MYO9A: variants seen among roughly 807,000 people sequenced by gnomAD.
MYO9A encodes the protein unconventional myosin-IXa.
MYO9A carries 103 observed loss-of-function variants against 293.3 expected under a neutral mutation model. That is an observed-to-expected ratio of 0.35 (90% CI 0.30 to 0.41). The LOEUF is 0.41. Among genes scored for constraint, MYO9A ranks in the 10% least tolerant of loss-of-function variants. MYO9A has a pLI of 1.00. For synonymous variants in MYO9A, 1,001 were observed against 1,035.7 expected, an observed-to-expected ratio of 0.97 and a Z score of 0.64; for missense variants, 2,685 against 3,033.0, an observed-to-expected ratio of 0.89 and a Z score of 2.69.
At chr15:71,902,031 A>G (rs1312434544) in intron 22 of MYO9A, among the ~76,000 whole-genome samples, 3 of 152,168 alleles carry the variant, frequency 2.0e-5, no homozygotes, top group African/African-American at 4.8e-5. Flanking sequence ...GGTGAAGGAG[A>G]CATATCCCTT....
Position 71,850,765 on chromosome 15 carries a change from C to CAAAAAAAAAAA in MYO9A, c.6581+477_6581+487dup, listed in dbSNP as rs780727961. ...TGGGTGACAGACTGAAACTGTGTCT[C>CAAAAAAAAAAA]AAAAAAAAAAAAAAAAAAAAAAAAA... On this transcript the variant is annotated intron_variant, in intron 37 of 41. Coordinates refer to ENST00000356056, the MANE Select transcript of MYO9A (RefSeq NM_006901.4). 7.3e-4 allele frequency among the ~76,000 whole-genome samples: 32 copies of CAAAAAAAAAAA among 44,124 alleles called. 4 individuals are homozygous for CAAAAAAAAAAA. Among genetic ancestry groups the CAAAAAAAAAAA allele is most frequent in the African/African-American group, 1.8e-3 (18 of 10,004 alleles). The allele number at this position is 44,124 out of a possible 152,430, so 28.9% of individuals were successfully genotyped here.
chr15:71,827,180 G>GCACAGT, intron 41 of MYO9A, 137 bp from the exon 42 acceptor site: 1 of 627,276 alleles, frequency 1.6e-6, no homozygotes, highest in Non-Finnish European at 2.7e-6. Context: ...CTTACTATGG[G>GCACAGT]CACAGTCACA....
At chr15:71,861,885 G>A (rs571800789) in intron 33 of MYO9A, among the ~76,000 whole-genome samples, 2 of 152,264 alleles carry the variant, frequency 1.3e-5, no homozygotes, top group Non-Finnish European at 2.9e-5. Flanking sequence ...TGTAATCCCA[G>A]CACTTTAGGC....
At chr15:71,983,088 CTT>C (rs1161512711) in intron 11 of MYO9A, among the ~76,000 whole-genome samples, 1 of 152,058 alleles carries the variant, frequency 6.6e-6, no homozygotes, top group African/African-American at 2.4e-5. Flanking sequence ...GTCTGACAAT[CTT>C]TAGCTTCTAG....
At chr15:71,932,346 T>C (rs1262988162) in intron 18 of MYO9A, among the ~76,000 whole-genome samples, 1 of 152,092 alleles carries the variant, frequency 6.6e-6, no homozygotes, top group Non-Finnish European at 1.5e-5. Context: ...GTCCCATCAA[T>C]TCCCAGAACT....
rs1167613386 is a variant in MYO9A, at chr15:71,934,786, C to CTTT, written c.2522+552_2522+554dup. On this transcript the variant is annotated intron_variant, in intron 17 of 41. Transcript: ENST00000356056. Reference sequence around the variant, plus strand: ...TGGCTAATTTTTTTTCTTTTCTTTTCTTTTTTTTTTTTTTTTTTTTTTTTT... The same window carrying CTTT: ...TGGCTAATTTTTTTTCTTTTCTTTTCTTTTTTTTTTTTTTTTTTTTTTTTTTTT... Among the ~76,000 whole-genome samples the CTTT allele has an allele frequency of 1.2e-3, 74 of 61,784 alleles. 1 individual carries two copies. The highest frequency in any genetic ancestry group is 2.3e-3 in the African/African-American group (35 of 15,144). 40.5% of individuals were successfully genotyped at this position (61,784 alleles called of 152,430 possible).
In MYO9A at chr15:71,897,890, A is replaced by G. The variant is rs753047178; in HGVS notation, c.4613T>C (p.Ile1538Thr). Residue 1538 changes from isoleucine to threonine, a missense_variant, in exon 25 of 42, where the codon ATT (isoleucine) becomes ACT (threonine). Coordinates refer to ENST00000356056, the MANE Select transcript of MYO9A (RefSeq NM_006901.4). ...AGATGGTGCCACCAAACACTCTCCA[A>G]TTCTTGGCTTTTCAATTGTCTTGAA... ...KAFKTIEKPRIGECLVAPSSY... is the reference protein window; with the variant it reads ...KAFKTIEKPRTGECLVAPSSY... The G allele has an allele frequency of 2.5e-6, 4 of 1,614,088 alleles. No homozygotes were observed. The South Asian group carries it at 4.4e-5, about 18-fold the overall frequency.
intron 1 of MYO9A, among the ~76,000 whole-genome samples, chr15:72,079,130 G>C (rs115367413): frequency 0.011 from 1,653 of 152,220 alleles, 29 homozygotes; most frequent in African/African-American, 0.038. Flanking sequence ...AGTAACGATG[G>C]ATTAATATGG....
rs1326124646 is a variant in MYO9A at position 71,825,192 on chromosome 15, A to ATAAC, written c.*1384_*1387dup. The stretch of plus-strand genomic sequence containing the variant: ...ATGCTAAGATACTTAAAATGCTATT[A>ATAAC]TAACTCATGTGTATGAAGACCACCC... On this transcript the variant is annotated 3_prime_UTR_variant, in exon 42 of 42. Coordinates refer to ENST00000356056, the MANE Select transcript of MYO9A (RefSeq NM_006901.4). 2.0e-5 allele frequency: 3 copies of ATAAC among 152,238 alleles called. No individual in the cohort carries two copies. The highest frequency in any genetic ancestry group is 4.4e-5 in the Non-Finnish European group (3 of 68,050). The allele number at this position is 152,238 out of a possible 1,614,324, so 9.4% of individuals were successfully genotyped here.
intron 11 of MYO9A, among the ~76,000 whole-genome samples, chr15:71,987,058 T>C (rs1364665017): frequency 6.6e-6 from 1 of 152,168 alleles, no homozygotes; most frequent in Non-Finnish European, 1.5e-5. Flanking sequence ...TACATTTAGA[T>C]ACACAAATAC....
chr15:71,875,894 T>C, intron 31 of MYO9A, 56 bp from the exon 32 acceptor site: 1 of 971,056 alleles, frequency 1.0e-6, no homozygotes, highest in Non-Finnish European at 1.4e-6. Flanking sequence ...TAACATACTT[T>C]CTTACTTCAT....
At chr15:71,956,486 A>G (rs1482925880) in intron 14 of MYO9A, among the ~76,000 whole-genome samples, 1 of 144,092 alleles carries the variant, frequency 6.9e-6, no homozygotes, top group Non-Finnish European at 1.5e-5. Context: ...TAAAAATACA[A>G]AAATATAAAA....
intron 1 of MYO9A, among the ~76,000 whole-genome samples, chr15:72,092,012 G>T (rs879922684): frequency 6.6e-6 from 1 of 151,986 alleles, no homozygotes; most frequent in Non-Finnish European, 1.5e-5. Context: ...CATCGCGCCC[G>T]GCGAAAAATA....
Position 71,959,901 on chromosome 15 carries a change from CA to C in MYO9A, c.2181del (p.Gly728AspfsTer11), listed in dbSNP as rs1465541359. The C allele has an allele frequency of 6.2e-7, 1 of 1,607,394 alleles. No homozygotes were observed. The highest frequency in any genetic ancestry group is 8.5e-7 in the Non-Finnish European group (1 of 1,175,662). ...EAGKRNIHRK[T>X]GHDDTAPCAI... is the part of the protein sequence containing the mutation. ...TAGAATACTAATAACTACTACTTACCAGTTTTTCTGTGAATGTTTCTTTTCC... is the reference window on the plus strand; with the variant it reads ...TAGAATACTAATAACTACTACTTACCGTTTTTCTGTGAATGTTTCTTTTCC... On this transcript the variant is annotated frameshift_variant and splice_region_variant, in exon 14 of 42. Coordinates refer to ENST00000356056, the MANE Select transcript of MYO9A (RefSeq NM_006901.4). LOFTEE classifies it high-confidence loss of function.
chr15:72,108,991 G>A (rs1459259480), intron 1 of MYO9A, among the ~76,000 whole-genome samples: 3 of 152,086 alleles, frequency 2.0e-5, no homozygotes, highest in Non-Finnish European at 4.4e-5. Flanking sequence ...TCAAACTCCT[G>A]ACCTCAGGTG....
chr15:71,906,236 G>A (rs1027417142), intron 19 of MYO9A, among the ~76,000 whole-genome samples: 1 of 152,052 alleles, frequency 6.6e-6, no homozygotes, highest in African/African-American at 2.4e-5. Context: ...CCTAGTTTAC[G>A]ATCTACCTTG....
chr15:71,915,027 C>T (rs2057967684), intron 19 of MYO9A, among the ~76,000 whole-genome samples: 1 of 152,048 alleles, frequency 6.6e-6, no homozygotes. Flanking sequence ...TACTTTTTGA[C>T]CAGAATTTGG....
intron 30 of MYO9A, among the ~76,000 whole-genome samples, chr15:71,879,216 C>A: frequency 6.6e-6 from 1 of 151,906 alleles, no homozygotes; most frequent in Admixed American, 6.6e-5. Flanking sequence ...TTGCACACAC[C>A]AAAAATAAAT....
intron 19 of MYO9A, among the ~76,000 whole-genome samples, chr15:71,908,411 C>T (rs2144229397): frequency 6.6e-6 from 1 of 152,314 alleles, no homozygotes; most frequent in Admixed American, 6.5e-5. Flanking sequence ...GATCTGCCTG[C>T]CTCGGCCTCC....
Sources: gnomAD v4.1 joint callset for allele counts (sites outside exome capture counted in the v4.1 genomes callset) on GRCh38, gnomAD v4.1.1 for gene constraint, MANE v1.5 for transcripts, NCBI Gene and HGNC (gene_info 2026-07-23, HGNC 2026-07-21) for gene names.